The following ANXA11 variants were observed in gnomAD, a reference collection of about 807,000 sequenced individuals.
ANXA11 encodes 56 kDa autoantigen.
ANXA11 carries 57 observed loss-of-function variants against 64.7 expected under a neutral mutation model. The observed-to-expected ratio is 0.88, with a 90% confidence interval of 0.71 to 1.10. The LOEUF (loss-of-function observed/expected upper bound fraction) is 1.10. Among genes scored for constraint, ANXA11 ranks in the 50% least tolerant of loss-of-function variants. ANXA11 has a pLI of 0.00. For synonymous variants in ANXA11, 260 were observed against 265.2 expected (o/e 0.98, Z 0.19); for missense variants, 675 against 670.7 (o/e 1.01, Z -0.07).
rs1002444036 is a variant in ANXA11, at chr10:80,171,045, C to T, written c.56-130G>A. 5 of 1,526,984 alleles carry T rather than the reference C, an allele frequency of 3.3e-6. No homozygotes were observed. The African/African-American group carries it at 4.1e-5, about 13-fold the overall frequency. The allele number at this position is 1,526,984 out of a possible 1,614,324, so 94.6% of individuals were successfully genotyped here. A position where few individuals can be genotyped will look rare whatever the true frequency, so the allele number is the denominator to read the frequency against. On this transcript the variant is annotated intron_variant, in intron 3 of 15. Transcript: ENST00000422982. ...CCTCGAGCCTCGAGCCTCGGGACAC[C>T]ACAGACCACATGAAAACACCAGGAG...
intron 11 of ANXA11, among the ~76,000 whole-genome samples, chr10:80,162,264 AG>A (rs1845544868): frequency 6.6e-6 from 1 of 152,288 alleles, no homozygotes; most frequent in Non-Finnish European, 1.5e-5. Context: ...AGGCCAAAGC[AG>A]CTCTGGACTG....
chr10:80,158,566 A>T (rs1199158639), intron 13 of ANXA11, among the ~76,000 whole-genome samples: 1 of 152,168 alleles, frequency 6.6e-6, no homozygotes, highest in African/African-American at 2.4e-5. Context: ...AAGTGAGTAG[A>T]AAGAGGGGTT....
At chr10:80,172,910 A>G (rs1258243293) in intron 2 of ANXA11, 41 bp from the exon 3 acceptor site, 1 of 1,584,174 alleles carries the variant, frequency 6.3e-7, no homozygotes, top group South Asian at 1.1e-5. Flanking sequence ...TCTGCCTGAG[A>G]GCCCCTGCTG....
intron 15 of ANXA11, chr10:80,157,009 C>T: frequency 1.0e-6 from 1 of 985,436 alleles, no homozygotes; most frequent in Non-Finnish European, 1.2e-6. Context: ...GTCAGACTGG[C>T]TCTGCCACAC....
chr10:80,187,669 G>C (rs1479088818), intron 1 of ANXA11, among the ~76,000 whole-genome samples: 1 of 152,070 alleles, frequency 6.6e-6, no homozygotes, highest in African/African-American at 2.4e-5. Context: ...CTCTGTCTTT[G>C]TTTACCCACT....
Position 80,169,122 on chromosome 10 carries a change from G to A in ANXA11, c.408C>T (p.Pro136=), listed in dbSNP as rs201734622. The A allele has an allele frequency of 1.2e-4, 182 of 1,542,312 alleles. No homozygotes were observed. The East Asian group carries it at 2.8e-3, about 24-fold the overall frequency. Residue 136 remains proline (P), a synonymous_variant, in exon 5 of 16, where the codon CCC becomes CCT. Coordinates refer to ENST00000422982, the MANE Select transcript of ANXA11 (RefSeq NM_145868.2). ...APVPGQPMPP[P]GQQPPGAYPG... ...GGTAGGCCCCTGGGGGCTGCTGTCC[G>A]GGGGGTGGCATGGGCTGGCCCGGCA...
At chr10:80,176,420 G>A (rs1196823700) in intron 1 of ANXA11, among the ~76,000 whole-genome samples, 1 of 152,174 alleles carries the variant, frequency 6.6e-6, no homozygotes, top group African/African-American at 2.4e-5. Context: ...AGACGTGCAC[G>A]GACATCCTTG....
intron 1 of ANXA11, among the ~76,000 whole-genome samples, chr10:80,186,535 G>T (rs1202073133): frequency 1.3e-5 from 2 of 152,188 alleles, no homozygotes; most frequent in African/African-American, 4.8e-5. Context: ...TGATGGTGGA[G>T]GGAGGCCACC....
rs78115767 is a variant in ANXA11, at chr10:80,172,048, A to G, written c.55+759T>C. Reference sequence around the variant, plus strand: ...GTTCAAACCACAGGACCTCAGCTCCAAAGAAATCAATGATGCCTAGGAGTC... The same window carrying G: ...GTTCAAACCACAGGACCTCAGCTCCGAAGAAATCAATGATGCCTAGGAGTC... On this transcript the variant is annotated intron_variant, in intron 3 of 15. Transcript: ENST00000422982. Among the ~76,000 whole-genome samples the G allele has an allele frequency of 8.8e-3, 1,341 of 152,294 alleles. 22 individuals carry two copies. Among genetic ancestry groups the G allele is most frequent in the African/African-American group, 0.031 (1,275 of 41,542 alleles).
intron 1 of ANXA11, among the ~76,000 whole-genome samples, chr10:80,183,399 A>T (rs1846424982): frequency 6.6e-6 from 1 of 152,224 alleles, no homozygotes; most frequent in African/African-American, 2.4e-5. Flanking sequence ...TTCCTCTGGG[A>T]TCTCAGGATT....
At chr10:80,182,992 T>C (rs1846410979) in intron 1 of ANXA11, among the ~76,000 whole-genome samples, 2 of 152,048 alleles carry the variant, frequency 1.3e-5, no homozygotes, top group Non-Finnish European at 2.9e-5. Flanking sequence ...GGGTGAAGTG[T>C]TGAGAGTTTT....
chr10:80,166,324 G>A lies in ANXA11; in HGVS notation c.745-127C>T, dbSNP rs1160070816. ...ACAGCAGCATGGACATCCCCCAGGGGCCTGAGAGAAAAGCCTGCTCTCAGC... is the reference window on the plus strand; with the variant it reads ...ACAGCAGCATGGACATCCCCCAGGGACCTGAGAGAAAAGCCTGCTCTCAGC... On this transcript the variant is annotated intron_variant, in intron 7 of 15. Coordinates refer to ENST00000422982, the MANE Select transcript of ANXA11 (RefSeq NM_145868.2). The A allele has an allele frequency of 4.9e-6, 3 of 610,522 alleles. No individual in the cohort carries two copies. In the African/African-American group the frequency reaches 5.6e-5, roughly 11 times the overall value. The allele number at this position is 610,522 out of a possible 1,614,324, so 37.8% of individuals were successfully genotyped here.
intron 1 of ANXA11, among the ~76,000 whole-genome samples, chr10:80,190,342 G>C (rs927700815): frequency 2.0e-5 from 3 of 152,200 alleles, no homozygotes; most frequent in African/African-American, 7.2e-5. Context: ...TGTTACAGCA[G>C]TAATTGAAAA....
intron 1 of ANXA11, among the ~76,000 whole-genome samples, chr10:80,195,054 G>A (rs948523772): frequency 3.3e-5 from 5 of 152,160 alleles, no homozygotes; most frequent in Admixed American, 6.5e-5. Context: ...GAAGAGAGGC[G>A]AAGAAGACTG....
In ANXA11 at chr10:80,205,490, CT is replaced by C. The variant is rs1840637003; in HGVS notation, c.-206del. ...CGGGGCCCGCGGGGCACTCGGGGCACTGGGGAGCCGCGGGCGCAGCAGCCGT... is the reference window on the plus strand; with the variant it reads ...CGGGGCCCGCGGGGCACTCGGGGCACGGGGAGCCGCGGGCGCAGCAGCCGT... On this transcript the variant is annotated 5_prime_UTR_variant, in exon 1 of 16. Coordinates refer to ENST00000422982, the MANE Select transcript of ANXA11 (RefSeq NM_145868.2). The C allele has an allele frequency of 6.6e-6, 1 of 151,948 alleles. No homozygotes were observed. The highest frequency in any genetic ancestry group is 2.4e-5 in the African/African-American group (1 of 41,364). The allele number at this position is 151,948 out of a possible 1,614,324, so 9.4% of individuals were successfully genotyped here. A position where few individuals can be genotyped will look rare whatever the true frequency, so the allele number is the denominator to read the frequency against.
At chr10:80,200,810 G>C (rs187347225) in intron 1 of ANXA11, among the ~76,000 whole-genome samples, 1 of 152,100 alleles carries the variant, frequency 6.6e-6, no homozygotes, top group Non-Finnish European at 1.5e-5. Context: ...GCGGGGCGGG[G>C]GGATTGCTTG....
At position 80,170,806 on chromosome 10, in the gene ANXA11, CGAGA is replaced by C; in HGVS notation, c.161_164del (p.Leu54ArgfsTer96). On this transcript the variant is annotated frameshift_variant, in exon 4 of 16. Transcript: ENST00000422982. LOFTEE classifies it high-confidence loss of function. Reference sequence around the variant, plus strand: ...GCAGGAGAGCTGGACTCACCATTCCCGAGAGATAGTCCTGGTTGAACTGCCCCGC... The same window carrying C: ...GCAGGAGAGCTGGACTCACCATTCCCGATAGTCCTGGTTGAACTGCCCCGC... The C allele has an allele frequency of 6.7e-7, 1 of 1,482,758 alleles. No homozygotes were observed. Among genetic ancestry groups the C allele is most frequent in the Non-Finnish European group, 9.0e-7 (1 of 1,115,628 alleles). 91.9% of individuals were successfully genotyped at this position (1,482,758 alleles called of 1,614,324 possible). A position where few individuals can be genotyped will look rare whatever the true frequency, so the allele number is the denominator to read the frequency against.
At chr10:80,169,999 T>A (rs1465132330) in intron 4 of ANXA11, among the ~76,000 whole-genome samples, 1 of 152,070 alleles carries the variant, frequency 6.6e-6, no homozygotes, top group Non-Finnish European at 1.5e-5. Context: ...TGCTCACACA[T>A]CCTCTTTTCA....
intron 1 of ANXA11, among the ~76,000 whole-genome samples, chr10:80,195,139 G>A (rs1332535656): frequency 6.6e-6 from 1 of 152,194 alleles, no homozygotes; most frequent in African/African-American, 2.4e-5. Context: ...AGTCCTCGGG[G>A]CCTGTTCAAA....
Sources: gnomAD v4.1 joint callset for allele counts (sites outside exome capture counted in the v4.1 genomes callset) on GRCh38, gnomAD v4.1.1 for gene constraint, MANE v1.5 for transcripts, NCBI Gene and HGNC (gene_info 2026-07-23, HGNC 2026-07-21) for gene names.